DOCK3: variants seen among roughly 807,000 people sequenced by gnomAD.
DOCK3 encodes the protein dedicator of cytokinesis protein 3.
In DOCK3, 60 loss-of-function variants were observed where a neutral mutation model predicts 265.6. That is an observed-to-expected ratio of 0.23 (90% CI 0.18 to 0.28). The LOEUF is 0.28. DOCK3 is among the 10% of genes least tolerant of loss of function. The pLI is 1.00. For missense variants in DOCK3, 1,981 were observed against 2,594.3 expected (o/e 0.76, Z 5.14); for synonymous variants, 881 against 938.0 (o/e 0.94, Z 1.11).
chr3:50,754,859 C>T (rs1046834432), intron 1 of DOCK3, among the ~76,000 whole-genome samples: 5 of 151,984 alleles, frequency 3.3e-5, no homozygotes, highest in African/African-American at 1.2e-4. Context: ...ACTCCCAGCC[C>T]GTTTTCACTT....
At chr3:51,293,524 CAT>C (rs2081909000) in intron 27 of DOCK3, among the ~76,000 whole-genome samples, 1 of 151,976 alleles carries the variant, frequency 6.6e-6, no homozygotes, top group Non-Finnish European at 1.5e-5. Context: ...TAGAAGAAAA[CAT>C]AGGGGAAAAC....
intron 1 of DOCK3, among the ~76,000 whole-genome samples, chr3:50,748,775 T>G (rs780267874): frequency 1.4e-4 from 22 of 152,166 alleles, no homozygotes; most frequent in Admixed American, 7.2e-4. Context: ...TTACCTTGAA[T>G]AGAGGATGTC....
rs1003242890 is a variant in DOCK3, at chr3:51,338,499, A to G, written c.3672+80A>G. ...GCACTGTGATTGGCTTGGCCCTTCTACAATACATGGCTGCAGGCCTAAGGG... is the reference window on the plus strand; with the variant it reads ...GCACTGTGATTGGCTTGGCCCTTCTGCAATACATGGCTGCAGGCCTAAGGG... On this transcript the variant is annotated intron_variant, in intron 36 of 52. Transcript: ENST00000266037. 2.2e-5 allele frequency: 33 copies of G among 1,487,442 alleles called. No homozygotes were observed. In the Middle Eastern group the frequency reaches 6.8e-4, roughly 31 times the overall value. The allele number at this position is 1,487,442 out of a possible 1,614,324, so 92.1% of individuals were successfully genotyped here. A position where few individuals can be genotyped will look rare whatever the true frequency, so the allele number is the denominator to read the frequency against.
intron 1 of DOCK3, among the ~76,000 whole-genome samples, chr3:50,718,638 A>G (rs1431892613): frequency 6.6e-6 from 1 of 152,074 alleles, no homozygotes; most frequent in Non-Finnish European, 1.5e-5. Flanking sequence ...TATCTCTGTA[A>G]TTATATTTCT....
chr3:51,047,010 A>G (rs1280314953), intron 5 of DOCK3, among the ~76,000 whole-genome samples: 1 of 152,202 alleles, frequency 6.6e-6, no homozygotes, highest in Non-Finnish European at 1.5e-5. Context: ...AAAACAAAGC[A>G]TACCAAAATG....
intron 5 of DOCK3, among the ~76,000 whole-genome samples, chr3:50,959,262 A>G (rs2076817401): frequency 6.6e-6 from 1 of 152,152 alleles, no homozygotes; most frequent in African/African-American, 2.4e-5. Context: ...TGTTTTGACA[A>G]ACATTTAAGG....
At chr3:51,180,740 C>T (rs1192273740) in intron 12 of DOCK3, among the ~76,000 whole-genome samples, 4 of 152,146 alleles carry the variant, frequency 2.6e-5, no homozygotes, top group African/African-American at 7.2e-5. Flanking sequence ...AAGGACATAT[C>T]TTTGTGGGGG....
intron 49 of DOCK3, among the ~76,000 whole-genome samples, chr3:51,370,864 A>T (rs992899978): frequency 1.1e-4 from 16 of 152,336 alleles, no homozygotes; most frequent in African/African-American, 3.8e-4. Context: ...TGGGCTAGAT[A>T]TTCGAGATGG....
chr3:50,927,843 A>G (rs140331483), intron 4 of DOCK3, among the ~76,000 whole-genome samples: 1 of 152,292 alleles, frequency 6.6e-6, no homozygotes, highest in African/African-American at 2.4e-5. Flanking sequence ...ATTATGAGGC[A>G]GAACAGAGAA....
At chr3:50,825,606 G>A (rs1449686388) in intron 2 of DOCK3, among the ~76,000 whole-genome samples, 1 of 152,046 alleles carries the variant, frequency 6.6e-6, no homozygotes, top group East Asian at 1.9e-4. Flanking sequence ...ATTAAAACTG[G>A]GTGGGGGGCA....
intron 1 of DOCK3, among the ~76,000 whole-genome samples, chr3:50,737,251 G>A (rs1576288667): frequency 6.6e-6 from 1 of 152,100 alleles, no homozygotes; most frequent in African/African-American, 2.4e-5. Flanking sequence ...ATTGCTTTTG[G>A]TGTTTTAGAC....
chr3:50,928,887 CT>C (rs1488121675), intron 4 of DOCK3, among the ~76,000 whole-genome samples: 2 of 152,164 alleles, frequency 1.3e-5, no homozygotes, highest in African/African-American at 4.8e-5. Context: ...GTGTTTTTTA[CT>C]GTCAGTACAG....
intron 5 of DOCK3, among the ~76,000 whole-genome samples, chr3:51,041,574 G>A (rs1364315902): frequency 6.6e-6 from 1 of 151,968 alleles, no homozygotes; most frequent in Non-Finnish European, 1.5e-5. Context: ...CTGATCTGTG[G>A]CCTGCAGAAT....
intron 4 of DOCK3, among the ~76,000 whole-genome samples, chr3:50,908,012 A>T (rs969126950): frequency 6.6e-6 from 1 of 151,896 alleles, no homozygotes; most frequent in Admixed American, 6.6e-5. Context: ...GGGCATAGAG[A>T]TGTTCATAGT....
chr3:51,203,034 A>G (rs982788186), intron 12 of DOCK3, among the ~76,000 whole-genome samples: 13 of 152,358 alleles, frequency 8.5e-5, no homozygotes, highest in Non-Finnish European at 1.3e-4. Context: ...AATAAGAGCT[A>G]TCTATCACAA....
chr3:50,750,150 C>T (rs1333294809), intron 1 of DOCK3, among the ~76,000 whole-genome samples: 2 of 151,926 alleles, frequency 1.3e-5, no homozygotes, highest in African/African-American at 4.8e-5. Context: ...GTTGCATGCT[C>T]CTTATGAGAA....
At chr3:50,916,928 T>C (rs1333427722) in intron 4 of DOCK3, among the ~76,000 whole-genome samples, 2 of 152,012 alleles carry the variant, frequency 1.3e-5, no homozygotes, top group Non-Finnish European at 2.9e-5. Flanking sequence ...GGGCTTCTAA[T>C]TGTACATCTT....
intron 1 of DOCK3, among the ~76,000 whole-genome samples, chr3:50,766,591 A>G (rs1371145630): frequency 6.6e-6 from 1 of 152,142 alleles, no homozygotes; most frequent in African/African-American, 2.4e-5. Context: ...ATATGTGTGC[A>G]TGTGTCTTTA....
chr3:51,236,715 T>A (rs548861873), intron 20 of DOCK3, among the ~76,000 whole-genome samples: 1 of 152,186 alleles, frequency 6.6e-6, no homozygotes, highest in African/African-American at 2.4e-5. Context: ...CTCCATGAGG[T>A]CAGAAACCCA....
Sources: gnomAD v4.1 joint callset for allele counts (sites outside exome capture counted in the v4.1 genomes callset) on GRCh38, gnomAD v4.1.1 for gene constraint, MANE v1.5 for transcripts, NCBI Gene and HGNC (gene_info 2026-07-23, HGNC 2026-07-21) for gene names.